FUT9: variants seen among roughly 807,000 people sequenced by gnomAD.
FUT9 encodes the protein 4-galactosyl-N-acetylglucosaminide 3-alpha-L-fucosyltransferase 9.
FUT9 carries 15 observed loss-of-function variants against 29.7 expected under a neutral mutation model. The observed-to-expected ratio is 0.51, with a 90% CI of 0.34 to 0.78. The LOEUF is 0.78. Among genes scored for constraint, FUT9 ranks in the 30% least tolerant of loss-of-function variants. The pLI is 0.01. For missense variants in FUT9, 319 were observed against 425.4 expected, an observed-to-expected ratio of 0.75 and a Z score of 2.20; for synonymous variants, 169 against 153.7, an observed-to-expected ratio of 1.10 and a Z score of -0.74.
chr6:96,162,845 G>A (rs368998437), intron 2 of FUT9, among the ~76,000 whole-genome samples: 3 of 152,146 alleles, frequency 2.0e-5, no homozygotes, highest in South Asian at 2.1e-4. Context: ...TAATGTGTAC[G>A]TGGTAGAGAG....
At chr6:96,036,405 A>T (rs1040645323) in intron 1 of FUT9, among the ~76,000 whole-genome samples, 1 of 151,726 alleles carries the variant, frequency 6.6e-6, no homozygotes, top group East Asian at 1.9e-4. Flanking sequence ...TGATACATTG[A>T]GTCTGTTCAT....
intron 2 of FUT9, among the ~76,000 whole-genome samples, chr6:96,195,445 A>C (rs1773607826): frequency 6.6e-6 from 1 of 152,158 alleles, no homozygotes; most frequent in East Asian, 1.9e-4. Flanking sequence ...ATTTTATAGC[A>C]TTCCGGAGAT....
intron 1 of FUT9, among the ~76,000 whole-genome samples, chr6:96,099,935 C>A (rs1053880344): frequency 6.6e-6 from 1 of 151,984 alleles, no homozygotes; most frequent in Non-Finnish European, 1.5e-5. Context: ...ATGCAGTCTG[C>A]AACAAAAAGG....
chr6:96,157,328 A>T (rs1230987611), intron 2 of FUT9, among the ~76,000 whole-genome samples: 1 of 152,220 alleles, frequency 6.6e-6, no homozygotes, highest in African/African-American at 2.4e-5. Flanking sequence ...TCCTCAGAAT[A>T]TGTTAAATAA....
In FUT9 at chr6:96,064,347, T is replaced by C. The variant is rs1038941518; in HGVS notation, c.-98+48135T>C. 3.3e-5 allele frequency among the ~76,000 whole-genome samples: 5 copies of C among 152,226 alleles called. No homozygotes were observed. In the South Asian group the frequency reaches 1.0e-3, roughly 32 times the overall value. On this transcript the variant is annotated intron_variant, in intron 1 of 2. Coordinates refer to ENST00000302103, the MANE Select transcript of FUT9 (RefSeq NM_006581.4). ...AACTGAATGAGGGGCATAGAGAGTA[T>C]AGTAATGGATCATGTGGAAAATGAT...
chr6:96,111,683 G>A (rs1460834158), intron 1 of FUT9, among the ~76,000 whole-genome samples: 1 of 151,870 alleles, frequency 6.6e-6, no homozygotes, highest in East Asian at 1.9e-4. Context: ...TGATTTTTCT[G>A]ACTTCTCAGC....
chr6:96,194,248 C>T (rs1452150737), intron 2 of FUT9, among the ~76,000 whole-genome samples: 4 of 152,036 alleles, frequency 2.6e-5, no homozygotes, highest in Admixed American at 6.6e-5. Flanking sequence ...TTGGAGGGCT[C>T]GCCAAAGCAT....
chr6:96,043,795 T>C (rs1346466101), intron 1 of FUT9, among the ~76,000 whole-genome samples: 1 of 152,180 alleles, frequency 6.6e-6, no homozygotes, highest in Non-Finnish European at 1.5e-5. Flanking sequence ...GACACTTGAC[T>C]CTCTTATATT....
intron 1 of FUT9, among the ~76,000 whole-genome samples, chr6:96,067,650 T>A (rs1173056312): frequency 6.6e-6 from 1 of 152,096 alleles, no homozygotes; most frequent in African/African-American, 2.4e-5. Context: ...GAGGAAAAAA[T>A]GACTCAAGGA....
At position 96,204,103 on chromosome 6, in the gene FUT9, T is replaced by C. The variant is rs1229140019; in HGVS notation, c.948T>C (p.Phe316=). ...DKNNKLYLSY[F]NWRKDFTVNL... ...ACAATAAGTTATACCTTAGTTACTT[T>C]AACTGGAGGAAGGATTTCACTGTAA... Residue 316 remains phenylalanine (F), a synonymous_variant, in exon 3 of 3, where the codon TTT becomes TTC. Transcript: ENST00000302103. 6.6e-7 allele frequency: 1 copy of C among 1,507,938 alleles called. No individual in the cohort carries two copies. The highest frequency in any genetic ancestry group is 2.3e-5 in the Admixed American group (1 of 44,046). 93.4% of individuals were successfully genotyped at this position (1,507,938 alleles called of 1,614,324 possible).
intron 2 of FUT9, among the ~76,000 whole-genome samples, chr6:96,197,637 CA>C (rs538599340): frequency 1.3e-5 from 2 of 152,008 alleles, no homozygotes; most frequent in African/African-American, 2.4e-5. Flanking sequence ...TACACATACA[CA>C]AAAAAATAGT....
At position 96,130,201 on chromosome 6, in the gene FUT9, GA is replaced by G. The variant is rs530802909; in HGVS notation, c.-9+16079del. On this transcript the variant is annotated intron_variant, in intron 2 of 2. Transcript: ENST00000302103. ...AAGAATCTTAGACAAGGCAGTATGA[GA>G]AAAATTAATTTTAAAAATAAATTTA... 4.7e-3 allele frequency among the ~76,000 whole-genome samples: 719 copies of G among 152,002 alleles called. 3 individuals carry two copies. Among genetic ancestry groups the G allele is most frequent in the Non-Finnish European group, 7.7e-3 (523 of 67,908 alleles).
At chr6:96,025,009 C>T (rs1375793113) in intron 1 of FUT9, among the ~76,000 whole-genome samples, 4 of 151,818 alleles carry the variant, frequency 2.6e-5, no homozygotes, top group Non-Finnish European at 5.9e-5. Flanking sequence ...CGAGATTTAG[C>T]TGTAAGTCAA....
intron 1 of FUT9, among the ~76,000 whole-genome samples, chr6:96,078,586 A>G (rs1452131253): frequency 6.6e-6 from 1 of 151,190 alleles, no homozygotes; most frequent in African/African-American, 2.4e-5. Context: ...ACGCCCGGCT[A>G]ATTTTCTGTA....
chr6:96,125,798 G>C (rs1772123280), intron 2 of FUT9, among the ~76,000 whole-genome samples: 1 of 152,134 alleles, frequency 6.6e-6, no homozygotes, highest in African/African-American at 2.4e-5. Context: ...CATTTTCAAA[G>C]GATCTTGTTA....
At chr6:96,145,457 A>C (rs1194665838) in intron 2 of FUT9, among the ~76,000 whole-genome samples, 1 of 152,180 alleles carries the variant, frequency 6.6e-6, no homozygotes, top group Non-Finnish European at 1.5e-5. Context: ...AATGAAGGAG[A>C]CAAAATTTCC....
Position 96,210,831 on chromosome 6 carries a change from T to G in FUT9, c.*6596T>G, listed in dbSNP as rs1773923938. The G allele has an allele frequency of 6.0e-6, 1 of 166,838 alleles. No individual in the cohort carries two copies. The highest frequency in any genetic ancestry group is 2.1e-4 in the South Asian group (1 of 4,832). The allele number at this position is 166,838 out of a possible 1,614,324, so 10.3% of individuals were successfully genotyped here. Reference sequence around the variant, plus strand: ...ATCCAAATTTTTGACAACTACAGATTTAGAATTGAATCCAAGGTCTGCCAT... The same window carrying G: ...ATCCAAATTTTTGACAACTACAGATGTAGAATTGAATCCAAGGTCTGCCAT... On this transcript the variant is annotated 3_prime_UTR_variant, in exon 3 of 3. Transcript: ENST00000302103.
chr6:96,192,541 C>A (rs532496065), intron 2 of FUT9, among the ~76,000 whole-genome samples: 1 of 151,832 alleles, frequency 6.6e-6, no homozygotes, highest in Non-Finnish European at 1.5e-5. Flanking sequence ...CACTGCTTGA[C>A]GAAATAAAAG....
intron 1 of FUT9, among the ~76,000 whole-genome samples, chr6:96,052,953 C>A (rs577491260): frequency 6.6e-6 from 1 of 151,704 alleles, no homozygotes; most frequent in African/African-American, 2.4e-5. Context: ...ATTGTGTCTT[C>A]ACCTTACTGT....
Sources: gnomAD v4.1 joint callset for allele counts (sites outside exome capture counted in the v4.1 genomes callset) on GRCh38, gnomAD v4.1.1 for gene constraint, MANE v1.5 for transcripts, NCBI Gene and HGNC (gene_info 2026-07-23, HGNC 2026-07-21) for gene names.